KYNU: variants seen among roughly 807,000 people sequenced by gnomAD.
The protein encoded by KYNU is L-kynurenine hydrolase.
A neutral mutation model predicts 59.2 loss-of-function variants in KYNU; 54 were observed. The ratio of observed to expected loss-of-function variants is 0.91; its 90% confidence interval spans 0.73 to 1.14. KYNU has a LOEUF of 1.14. KYNU is among the 50% of genes most tolerant of loss of function. The pLI is 0.00. For synonymous variants in KYNU, 177 were observed against 192.0 expected (o/e 0.92, Z 0.65); for missense variants, 567 against 554.4 (o/e 1.02, Z -0.23).
intron 4 of KYNU, among the ~76,000 whole-genome samples, chr2:142,940,089 A>G (rs796899627): frequency 3.3e-4 from 50 of 152,350 alleles, no homozygotes; most frequent in African/African-American, 1.1e-3. Flanking sequence ...AACAATCCTG[A>G]ATTGCATTTA....
chr2:142,956,628 T>G (rs565389052), intron 6 of KYNU, among the ~76,000 whole-genome samples: 2 of 152,288 alleles, frequency 1.3e-5, no homozygotes, highest in Non-Finnish European at 1.5e-5. Context: ...TGCTTAACCC[T>G]TTAGCTAAAT....
intron 11 of KYNU, among the ~76,000 whole-genome samples, chr2:143,031,949 T>TGA (rs139000371): frequency 1.3e-5 from 2 of 148,406 alleles, no homozygotes; most frequent in African/African-American, 5.0e-5. Flanking sequence ...TGATGGGAGG[T>TGA]GAGAGAGAGA....
At chr2:143,041,904 T>C in intron 13 of KYNU, 143 bp from the exon 14 acceptor site, 1 of 722,728 alleles carries the variant, frequency 1.4e-6, no homozygotes. Flanking sequence ...AAAAACACCA[T>C]GTTTTAAAGT....
At chr2:142,894,719 T>C (rs182967608) in intron 2 of KYNU, among the ~76,000 whole-genome samples, 37 of 152,336 alleles carry the variant, frequency 2.4e-4, no homozygotes, top group Admixed American at 5.9e-4. Flanking sequence ...AATGAAAATA[T>C]GTATGTTTCC....
At chr2:142,972,726 CT>C (rs1684760812) in intron 8 of KYNU, among the ~76,000 whole-genome samples, 2 of 150,048 alleles carry the variant, frequency 1.3e-5, no homozygotes, top group Admixed American at 1.3e-4. Context: ...ACAGTATTGT[CT>C]TGTCTATATA....
chr2:143,001,802 A>T (rs756538833), intron 10 of KYNU, among the ~76,000 whole-genome samples: 8 of 152,222 alleles, frequency 5.3e-5, no homozygotes, highest in Non-Finnish European at 1.2e-4. Context: ...TAGAAAGAAT[A>T]TCTACCTCAA....
In KYNU at chr2:143,050,106, T is replaced by C. The variant is rs1687237818; in HGVS notation, c.*7934T>C. On this transcript the variant is annotated 3_prime_UTR_variant, in exon 14 of 14. Coordinates refer to ENST00000264170, the MANE Select transcript of KYNU (RefSeq NM_003937.3). ...AAATCTATTTTATGTAAAATCTATT[T>C]TATGTAAACATGATAATTAAATATA... 1 of 148,328 alleles carries C rather than the reference T, an allele frequency of 6.7e-6. No homozygotes were observed. The highest frequency in any genetic ancestry group is 1.5e-5 in the Non-Finnish European group (1 of 67,212). The allele number at this position is 148,328 out of a possible 1,614,324, so 9.2% of individuals were successfully genotyped here.
intron 4 of KYNU, among the ~76,000 whole-genome samples, chr2:142,946,711 A>G (rs1683793305): frequency 1.3e-5 from 2 of 152,280 alleles, no homozygotes; most frequent in East Asian, 1.9e-4. Context: ...TGAATGGTAA[A>G]TAAATATTGG....
At chr2:143,010,690 C>A (rs1321099200) in intron 10 of KYNU, among the ~76,000 whole-genome samples, 1 of 148,386 alleles carries the variant, frequency 6.7e-6, no homozygotes, top group African/African-American at 2.5e-5. Context: ...ACCAAAACAG[C>A]ATGGTACTGG....
rs900138152 is a variant in KYNU, at chr2:143,054,566, CAT to C, written c.*12395_*12396del. 5.9e-5 allele frequency: 9 copies of C among 152,102 alleles called. No individual in the cohort carries two copies. Among genetic ancestry groups the C allele is most frequent in the African/African-American group, 1.7e-4 (7 of 41,404 alleles). 9.4% of individuals were successfully genotyped at this position (152,102 alleles called of 1,614,324 possible). On this transcript the variant is annotated 3_prime_UTR_variant, in exon 14 of 14. Coordinates refer to ENST00000264170, the MANE Select transcript of KYNU (RefSeq NM_003937.3). ...ACTGATACCACTAAAAATGGAACAA[CAT>C]GTAATTATGTGCTCAATGTGATGAA...
At chr2:142,898,795 G>C (rs934769986) in intron 2 of KYNU, among the ~76,000 whole-genome samples, 1 of 152,144 alleles carries the variant, frequency 6.6e-6, no homozygotes, top group Non-Finnish European at 1.5e-5. Context: ...TTCCAAGAAT[G>C]GAATCTTGGG....
intron 4 of KYNU, among the ~76,000 whole-genome samples, chr2:142,928,278 A>G (rs1208817666): frequency 6.6e-6 from 1 of 152,182 alleles, no homozygotes; most frequent in East Asian, 1.9e-4. Flanking sequence ...GGTGGTATTT[A>G]AGATAGTTTT....
At position 142,918,722 on chromosome 2, in the gene KYNU, G is replaced by A. The variant is rs199881067; in HGVS notation, c.283G>A (p.Ala95Thr). The A allele has an allele frequency of 1.2e-6, 2 of 1,610,818 alleles. No homozygotes were observed. Among genetic ancestry groups the A allele is most frequent in the African/African-American group, 2.7e-5 (2 of 74,778 alleles). The change falls in exon 3 of 14, where the codon GCC becomes ACC. Residue 95 changes from alanine to threonine, a missense_variant. Transcript: ENST00000264170. ...TCTTGAAGAAGAACTAGATAAGTGGGCCAAAATGTAAGTATTATTTTAAAA... is the reference window on the plus strand; with the variant it reads ...TCTTGAAGAAGAACTAGATAAGTGGACCAAAATGTAAGTATTATTTTAAAA... ...TYLEEELDKW[A>T]KIAAYGHEVG...
chr2:142,897,546 TAATC>T, intron 2 of KYNU, among the ~76,000 whole-genome samples: 1 of 152,302 alleles, frequency 6.6e-6, no homozygotes, highest in Middle Eastern at 3.4e-3. Context: ...GAGATCCAAA[TAATC>T]AAAGCACAAA....
intron 2 of KYNU, among the ~76,000 whole-genome samples, chr2:142,903,082 CCTCCACTGTCTATTGGGCTTCTTTA>C (rs1304829105): frequency 6.6e-6 from 1 of 152,122 alleles, no homozygotes; most frequent in African/African-American, 2.4e-5. Flanking sequence ...CTTGTACTAA[CCTCCACTGTCTATTGGGCTTCTTTA>C]CTCCTAAAAT....
At chr2:142,922,877 G>A (rs1682928117) in intron 3 of KYNU, among the ~76,000 whole-genome samples, 1 of 152,192 alleles carries the variant, frequency 6.6e-6, no homozygotes, top group African/African-American at 2.4e-5. Context: ...AATTTATAGA[G>A]AAGAGAAATG....
At chr2:143,014,289 A>G (rs1207928850) in intron 10 of KYNU, among the ~76,000 whole-genome samples, 1 of 152,172 alleles carries the variant, frequency 6.6e-6, no homozygotes, top group Admixed American at 6.5e-5. Context: ...CTTGGATTTT[A>G]TCTAGTGGTA....
At chr2:142,921,175 T>G (rs1682870227) in intron 3 of KYNU, among the ~76,000 whole-genome samples, 2 of 151,848 alleles carry the variant, frequency 1.3e-5, no homozygotes, top group Admixed American at 1.3e-4. Flanking sequence ...AAGGGAAGAG[T>G]TTTAGAGCTT....
chr2:142,896,227 C>T (rs1681873642), intron 2 of KYNU, among the ~76,000 whole-genome samples: 2 of 152,158 alleles, frequency 1.3e-5, no homozygotes, highest in Non-Finnish European at 2.9e-5. Flanking sequence ...GTGGCTGTAC[C>T]ATTTTGCATT....
Sources: gnomAD v4.1 joint callset for allele counts (sites outside exome capture counted in the v4.1 genomes callset) on GRCh38, gnomAD v4.1.1 for gene constraint, MANE v1.5 for transcripts, NCBI Gene and HGNC (gene_info 2026-07-23, HGNC 2026-07-21) for gene names.